Variants in CDH13 observed in about 807,000 individuals in gnomAD.
The protein encoded by CDH13 is cadherin 13, also known as cadherin-13.
In CDH13, 24 loss-of-function variants were observed where a neutral mutation model predicts 63.8. That is an observed-to-expected ratio of 0.38 (90% confidence interval 0.27 to 0.53). The LOEUF (loss-of-function observed/expected upper bound fraction) is 0.53. CDH13 is among the 20% of genes least tolerant of loss of function. The pLI is 0.85. For missense variants in CDH13, 1,049 were observed against 903.1 expected (o/e 1.16, Z -2.07); for synonymous variants, 503 against 355.3 (o/e 1.42, Z -4.67).
chr16:83,316,430 G>A (rs151128225), intron 5 of CDH13, among the ~76,000 whole-genome samples: 9 of 152,296 alleles, frequency 5.9e-5, no homozygotes, highest in East Asian at 1.9e-4. Context: ...TGGGAGAAAC[G>A]GGGAGCGATG....
intron 6 of CDH13, among the ~76,000 whole-genome samples, chr16:83,357,043 C>T (rs1275303604): frequency 6.6e-6 from 1 of 152,114 alleles, no homozygotes; most frequent in Non-Finnish European, 1.5e-5. Context: ...AGGCTTCTAA[C>T]ATGGATGCCT....
At chr16:82,819,451 C>A (rs536013210) in intron 1 of CDH13, among the ~76,000 whole-genome samples, 5 of 152,146 alleles carry the variant, frequency 3.3e-5, no homozygotes, top group South Asian at 2.1e-4. Context: ...ATACAGGAAG[C>A]TTCTAAGCTG....
At chr16:82,860,389 G>C (rs1255775685) in intron 2 of CDH13, among the ~76,000 whole-genome samples, 1 of 41,602 alleles carries the variant, frequency 2.4e-5, no homozygotes, top group Non-Finnish European at 4.9e-5. Context: ...GTGTGTGTGT[G>C]GGGGGGGGGG....
chr16:83,334,270 C>G (rs80214883), intron 5 of CDH13, among the ~76,000 whole-genome samples: 16 of 151,746 alleles, frequency 1.1e-4, no homozygotes, highest in Non-Finnish European at 1.9e-4. Flanking sequence ...CTGTTTCTCT[C>G]TTTCTTCCTC....
At chr16:83,187,494 A>T (rs2038561824) in intron 4 of CDH13, among the ~76,000 whole-genome samples, 1 of 151,904 alleles carries the variant, frequency 6.6e-6, no homozygotes, top group South Asian at 2.1e-4. Flanking sequence ...GCCTTTTTCT[A>T]CTGCTTGGAT....
At chr16:83,262,814 A>T (rs1055397564) in intron 5 of CDH13, among the ~76,000 whole-genome samples, 1 of 152,206 alleles carries the variant, frequency 6.6e-6, no homozygotes, top group African/African-American at 2.4e-5. Flanking sequence ...GGTGGTTTCA[A>T]TGGTTTTAAA....
chr16:83,557,130 G>A (rs927474687), intron 7 of CDH13, among the ~76,000 whole-genome samples: 4 of 152,082 alleles, frequency 2.6e-5, no homozygotes, highest in Non-Finnish European at 5.9e-5. Context: ...AGTCTCATAG[G>A]AGTATGAACC....
intron 1 of CDH13, among the ~76,000 whole-genome samples, chr16:82,816,927 A>C (rs1270738789): frequency 6.6e-6 from 1 of 151,990 alleles, no homozygotes; most frequent in Non-Finnish European, 1.5e-5. Context: ...AAGGACATTC[A>C]GGAGCGGACA....
intron 8 of CDH13, among the ~76,000 whole-genome samples, chr16:83,614,012 T>G (rs899330143): frequency 6.6e-6 from 1 of 152,218 alleles, no homozygotes; most frequent in Non-Finnish European, 1.5e-5. Flanking sequence ...CATTAATAGA[T>G]ACTTCTGAGT....
intron 2 of CDH13, among the ~76,000 whole-genome samples, chr16:82,949,466 G>C (rs923349736): frequency 2.6e-5 from 4 of 152,170 alleles, no homozygotes; most frequent in African/African-American, 9.7e-5. Context: ...GCAGATTCCA[G>C]GGGTTAGGAG....
At chr16:82,845,942 C>A (rs570973923) in intron 1 of CDH13, among the ~76,000 whole-genome samples, 1 of 152,252 alleles carries the variant, frequency 6.6e-6, no homozygotes. Context: ...ATCCTGGAAT[C>A]TTAATAGTAA....
At chr16:83,412,345 T>C (rs1403890723) in intron 6 of CDH13, among the ~76,000 whole-genome samples, 1 of 152,104 alleles carries the variant, frequency 6.6e-6, no homozygotes, top group African/African-American at 2.4e-5. Flanking sequence ...GTCTGCAGGC[T>C]CAGCTACTTG....
intron 2 of CDH13, among the ~76,000 whole-genome samples, chr16:82,951,693 C>T (rs1905318709): frequency 6.6e-6 from 1 of 152,198 alleles, no homozygotes; most frequent in African/African-American, 2.4e-5. Context: ...GCCCAGGTAA[C>T]TCCAAAGAGA....
In CDH13 at chr16:82,877,924, GACAC is replaced by G. The variant is rs1213536997; in HGVS notation, c.157+19485_157+19488del. ...AGGTGGAAATACATACATACACATAGACACACACACACACACACACACACACACA... is the reference window on the plus strand; with the variant it reads ...AGGTGGAAATACATACATACACATAGACACACACACACACACACACACACA... On this transcript the variant is annotated intron_variant, in intron 2 of 13. Transcript: ENST00000567109. Among the ~76,000 whole-genome samples, 516 of 129,352 alleles carry G rather than the reference GACAC, an allele frequency of 4.0e-3. 2 individuals carry two copies. Among genetic ancestry groups the G allele is most frequent in the African/African-American group, 5.7e-3 (203 of 35,414 alleles). The allele number at this position is 129,352 out of a possible 152,430, so 84.9% of individuals were successfully genotyped here.
chr16:82,672,955 C>T (rs1567612578), intron 1 of CDH13, among the ~76,000 whole-genome samples: 1 of 149,004 alleles, frequency 6.7e-6, no homozygotes, highest in Non-Finnish European at 1.5e-5. Flanking sequence ...GCTGGGACCG[C>T]AGGATTGCGT....
intron 7 of CDH13, among the ~76,000 whole-genome samples, chr16:83,489,926 G>A (rs1363463660): frequency 6.6e-6 from 1 of 151,928 alleles, no homozygotes; most frequent in Non-Finnish European, 1.5e-5. Context: ...TTCATTCGCA[G>A]TATCTCAAAT....
intron 1 of CDH13, among the ~76,000 whole-genome samples, chr16:82,703,592 G>C (rs1391994453): frequency 6.6e-6 from 1 of 152,082 alleles, no homozygotes; most frequent in African/African-American, 2.4e-5. Context: ...TCATATCACT[G>C]CCTCCTGGAA....
chr16:83,449,159 G>A (rs898041523), intron 6 of CDH13, among the ~76,000 whole-genome samples: 2 of 152,106 alleles, frequency 1.3e-5, no homozygotes, highest in Non-Finnish European at 2.9e-5. Flanking sequence ...AAATCAGCCC[G>A]GATGGAATTC....
At chr16:83,480,398 G>A (rs72808334) in intron 6 of CDH13, among the ~76,000 whole-genome samples, 1 of 152,008 alleles carries the variant, frequency 6.6e-6, no homozygotes, top group Non-Finnish European at 1.5e-5. Flanking sequence ...GATAGCCCAG[G>A]TCCTCAGCCG....
Sources: gnomAD v4.1 joint callset for allele counts (sites outside exome capture counted in the v4.1 genomes callset) on GRCh38, gnomAD v4.1.1 for gene constraint, MANE v1.5 for transcripts, NCBI Gene and HGNC (gene_info 2026-07-23, HGNC 2026-07-21) for gene names.